Variants in RUVBL1 observed in about 807,000 individuals in gnomAD.
The protein encoded by RUVBL1 is ruvB-like 1.
In RUVBL1, 4 loss-of-function variants were observed where a neutral mutation model predicts 52.4. The observed-to-expected ratio is 0.08, with a 90% CI of 0.04 to 0.17. The LOEUF (loss-of-function observed/expected upper bound fraction) is 0.17. Among genes scored for constraint, RUVBL1 ranks in the 10% least tolerant of loss-of-function variants. The pLI is 1.00. For synonymous variants in RUVBL1, 217 were observed against 214.4 expected (o/e 1.01, Z -0.10); for missense variants, 298 against 572.8 (o/e 0.52, Z 4.90).
chr3:128,098,550 G>A (rs1324906164), intron 7 of RUVBL1, among the ~76,000 whole-genome samples: 2 of 152,170 alleles, frequency 1.3e-5, no homozygotes, highest in South Asian at 2.1e-4. Flanking sequence ...GGTCTGTGGA[G>A]CTGCCCTGTG....
chr3:128,076,301 G>T (rs1942320582), downstream of RUVBL1, among the ~76,000 whole-genome samples: 3 of 152,200 alleles, frequency 2.0e-5, no homozygotes, highest in Admixed American at 2.0e-4. The surrounding 1 kb of genome is among the most constrained non-coding windows in gnomAD (Gnocchi z 6.8). Flanking sequence ...AGCGCTCAGG[G>T]CGTCCCCAAC....
intron 9 of RUVBL1, chr3:128,069,725 C>A: frequency 7.1e-7 from 1 of 1,403,058 alleles, no homozygotes. Context: ...GAGCTCTCAT[C>A]ATGGCGCGTG....
chr3:128,128,266 G>T (rs755248853), upstream of RUVBL1, among the ~76,000 whole-genome samples: 18 of 152,182 alleles, frequency 1.2e-4, no homozygotes, highest in Non-Finnish European at 2.4e-4. Flanking sequence ...GGGATTACAG[G>T]CATTAGCCAT....
In RUVBL1 at chr3:128,098,950, A is replaced by G. The variant is rs1198932421; in HGVS notation, c.754-5T>C. On this transcript the variant is annotated splice_region_variant and splice_polypyrimidine_tract_variant and intron_variant, in intron 6 of 10. Coordinates refer to ENST00000322623, the MANE Select transcript of RUVBL1 (RefSeq NM_003707.3). ...GGACAGGATATCTTGTCCCCCCTGC[A>G]TAAGAGAAGACTTAGAGTCAGTGCT... 4 of 1,613,292 alleles carry G rather than the reference A, an allele frequency of 2.5e-6. No homozygotes were observed. The highest frequency in any genetic ancestry group is 3.4e-6 in the Non-Finnish European group (4 of 1,179,458).
chr3:128,109,856 C>G (rs1943337997), intron 3 of RUVBL1, among the ~76,000 whole-genome samples: 1 of 109,678 alleles, frequency 9.1e-6, no homozygotes, highest in African/African-American at 3.6e-5. Context: ...CTCTCTGTTA[C>G]CCAGGCTGAA....
At chr3:128,114,676 A>T (rs2107709390) in intron 2 of RUVBL1, among the ~76,000 whole-genome samples, 1 of 152,288 alleles carries the variant, frequency 6.6e-6, no homozygotes, top group South Asian at 2.1e-4. Context: ...TGCCTGCCTC[A>T]TTAGGCATCT....
intron 6 of RUVBL1, 118 bp from the exon 7 acceptor site, chr3:128,099,063 C>T (rs1408689284): frequency 1.5e-5 from 12 of 820,550 alleles, no homozygotes; most frequent in Non-Finnish European, 2.1e-5. Flanking sequence ...GACCCCTCCT[C>T]AAAGCCTGAG....
At chr3:128,107,572 AC>A (rs1176904333) in intron 3 of RUVBL1, among the ~76,000 whole-genome samples, 1 of 152,190 alleles carries the variant, frequency 6.6e-6, no homozygotes, top group Admixed American at 6.5e-5. Context: ...TACCCCAGAA[AC>A]CCAGTCAGGA....
chr3:128,152,253 A>C (rs1348540390), intron 1 of RUVBL1, among the ~76,000 whole-genome samples: 1 of 152,118 alleles, frequency 6.6e-6, no homozygotes, highest in African/African-American at 2.4e-5. Flanking sequence ...ATCACAACAC[A>C]TTGTGCGTTC....
chr3:128,118,618 C>T (rs917586178), intron 2 of RUVBL1, among the ~76,000 whole-genome samples: 4 of 152,284 alleles, frequency 2.6e-5, no homozygotes, highest in Non-Finnish European at 4.4e-5. Context: ...AGTCCCCTCA[C>T]GAATCCCAAG....
At chr3:128,077,050 C>A (rs1418250190), downstream of RUVBL1, among the ~76,000 whole-genome samples, 1 of 151,742 alleles carries the variant, frequency 6.6e-6, no homozygotes, top group Admixed American at 6.6e-5. Context: ...AGCCGCCGCC[C>A]GCTGCGCGCC....
chr3:128,152,223 C>A (rs1027217686), intron 1 of RUVBL1, among the ~76,000 whole-genome samples: 1 of 152,140 alleles, frequency 6.6e-6, no homozygotes, highest in African/African-American at 2.4e-5. Context: ...AGTTGTCGAC[C>A]CTCTGTCTAG....
At chr3:128,153,122 G>T in intron 1 of RUVBL1, 4 of 669,754 alleles carry the variant, frequency 6.0e-6, no homozygotes, top group East Asian at 9.8e-5. Context: ...AGCACTGATT[G>T]GTGCGTTTTA....
Position 128,087,741 on chromosome 3 carries a change from G to A in RUVBL1, c.1084C>T (p.Arg362Trp), listed in dbSNP as rs546455182. The A allele has an allele frequency of 7.4e-6, 12 of 1,613,968 alleles. No homozygotes were observed. The highest frequency in any genetic ancestry group is 1.3e-5 in the African/African-American group (1 of 75,002). The change falls in exon 9 of 11, where the codon CGG becomes TGG. Residue 362 changes from arginine (R) to tryptophan (W), a missense_variant. By Grantham distance (101) the Arg-to-Trp change is moderately radical (BLOSUM62 -3). This residue lies in a region of RUVBL1 where 161 missense variants were observed against 298.3 expected (regional missense o/e 0.54). Transcript: ENST00000322623. ...TCCTGTGGAGTATACAGCATGGTCC[G>A]GATTATCATCACTCGGTCCAGAAGG... Reference protein sequence around the residue: ...LDLLDRVMIIRTMLYTPQEMK... With the variant: ...LDLLDRVMIIWTMLYTPQEMK...
At chr3:128,099,166 C>T (rs1943058339) in intron 6 of RUVBL1, among the ~76,000 whole-genome samples, 1 of 152,226 alleles carries the variant, frequency 6.6e-6, no homozygotes, top group African/African-American at 2.4e-5. Flanking sequence ...TCCGTGGGGC[C>T]TGCCCAGCCT....
rs919597052 is a variant in RUVBL1, at chr3:128,075,598, G to A, written c.940-10378C>T. ...TCAACCTCGCTTGCTGGGAAGTCGC[G>A]CACTTTCGTCGCGACTTCCCAAGTC... On this transcript the variant is annotated intron_variant, in intron 9 of 9. Transcript: ENST00000464873. 4.6e-5 allele frequency among the ~76,000 whole-genome samples: 7 copies of A among 152,098 alleles called. No individual in the cohort carries two copies. In the East Asian group the frequency reaches 1.4e-3, roughly 30 times the overall value.
At position 128,067,535 on chromosome 3, in the gene RUVBL1, T is replaced by C; in HGVS notation, c.940-2315A>G. ...AGAAGACCCGGTCCATGCAGTTGTATACATAGTGTTCATGCTGGGCTCCTG... is the reference window on the plus strand; with the variant it reads ...AGAAGACCCGGTCCATGCAGTTGTACACATAGTGTTCATGCTGGGCTCCTG... On this transcript the variant is annotated intron_variant, in intron 9 of 9. Coordinates refer to the RUVBL1 transcript ENST00000464873. The surrounding 1 kb of genome is among the most constrained non-coding windows in gnomAD (Gnocchi z 4.1). The C allele has an allele frequency of 1.2e-6, 2 of 1,614,198 alleles. No individual in the cohort carries two copies. The highest frequency in any genetic ancestry group is 1.7e-6 in the Non-Finnish European group (2 of 1,180,034).
upstream of RUVBL1, among the ~76,000 whole-genome samples, chr3:128,126,283 C>T (rs553041864): frequency 1.3e-5 from 2 of 151,936 alleles, no homozygotes; most frequent in East Asian, 1.9e-4. Flanking sequence ...CGGTGGTACA[C>T]GCCTGTAATC....
chr3:128,147,340 G>T (rs941065371), intron 1 of RUVBL1, among the ~76,000 whole-genome samples: 5 of 152,058 alleles, frequency 3.3e-5, no homozygotes, highest in Non-Finnish European at 7.4e-5. Flanking sequence ...AAAATGCTGG[G>T]ATTACAGGCA....
Sources: allele counts gnomAD v4.1 joint callset (sites outside exome capture counted in the v4.1 genomes callset), GRCh38; gene constraint gnomAD v4.1.1; regional missense constraint gnomAD v4.1.1; non-coding constraint Gnocchi (gnomAD v3.1); transcripts MANE v1.5; gene names NCBI Gene and HGNC (gene_info 2026-07-23, HGNC 2026-07-21).